Variants in AOPEP observed in about 807,000 individuals in gnomAD.
The protein encoded by AOPEP is aminopeptidase O (putative).
In AOPEP, 77 loss-of-function variants were observed where a neutral mutation model predicts 98.1. The ratio of observed to expected loss-of-function variants is 0.78; its 90% CI spans 0.65 to 0.95. The LOEUF (loss-of-function observed/expected upper bound fraction) is 0.95, where lower values mean the gene tolerates loss of function less well. Ranked by LOEUF, AOPEP falls within the 40% of genes least tolerant of loss-of-function variation. The probability of loss-of-function intolerance (pLI) is 0.00; values close to 1 mark genes in which losing one functional copy is unlikely to be tolerated. For synonymous variants in AOPEP, 346 were observed against 365.3 expected (o/e 0.95, Z 0.60); for missense variants, 1,024 against 1,024.7 (o/e 1.00, Z 0.01).
At chr9:94,996,666 T>C (rs1166025530) in intron 11 of AOPEP, among the ~76,000 whole-genome samples, 10 of 152,110 alleles carry the variant, frequency 6.6e-5, no homozygotes, top group Non-Finnish European at 2.9e-5. Context: ...TACCTAGACA[T>C]GGTTGTTTGC....
At position 95,000,029 on chromosome 9, in the gene AOPEP, A is replaced by G. The variant is rs139516740; in HGVS notation, c.1978-5129A>G. Among the ~76,000 whole-genome samples the G allele has an allele frequency of 9.4e-3, 1,426 of 152,298 alleles. 11 individuals carry two copies. The highest frequency in any genetic ancestry group is 0.043 in the South Asian group (207 of 4,826). ...TGCAGAACCATAGCCTCAGCAATCC[A>G]CTACGCCAAGCATGAAACTGACTTC... On this transcript the variant is annotated intron_variant, in intron 11 of 16. Transcript: ENST00000375315.
chr9:94,951,825 A>T (rs2058117421), intron 7 of AOPEP, among the ~76,000 whole-genome samples: 1 of 152,192 alleles, frequency 6.6e-6, no homozygotes, highest in African/African-American at 2.4e-5. Flanking sequence ...GATGGCCATC[A>T]CTGCTCCATC....
At chr9:94,996,169 A>T (rs1182255287) in intron 11 of AOPEP, among the ~76,000 whole-genome samples, 2 of 152,182 alleles carry the variant, frequency 1.3e-5, no homozygotes, top group African/African-American at 4.8e-5. Flanking sequence ...AACATCCTAC[A>T]AAAAGTGAAG....
At chr9:94,987,008 GGAT>G (rs1242630305) in intron 11 of AOPEP, among the ~76,000 whole-genome samples, 2 of 152,206 alleles carry the variant, frequency 1.3e-5, no homozygotes, top group African/African-American at 4.8e-5. Flanking sequence ...CAGACCAGAT[GGAT>G]GATATTTGCA....
intron 10 of AOPEP, among the ~76,000 whole-genome samples, chr9:94,978,288 G>A (rs2059973890): frequency 6.6e-6 from 1 of 152,014 alleles, no homozygotes; most frequent in African/African-American, 2.4e-5. Flanking sequence ...ATTTAAAAGA[G>A]GCAGAGCTTA....
chr9:95,095,075 A>T, the AOPEP span, among the ~76,000 whole-genome samples: 3 of 152,344 alleles, frequency 2.0e-5, no homozygotes, highest in African/African-American at 7.2e-5. Context: ...GGCGTCCAGG[A>T]TTTCCTCAGC....
At chr9:94,868,298 G>A (rs1335093095) in intron 5 of AOPEP, among the ~76,000 whole-genome samples, 1 of 152,204 alleles carries the variant, frequency 6.6e-6, no homozygotes, top group Non-Finnish European at 1.5e-5. Context: ...TCACCAGTTT[G>A]GGGAAGGCAG....
chr9:95,022,876 A>G (rs561295832), intron 13 of AOPEP, among the ~76,000 whole-genome samples: 1 of 152,088 alleles, frequency 6.6e-6, no homozygotes, highest in Non-Finnish European at 1.5e-5. Context: ...TTATTTTTCC[A>G]TAGAACTTTG....
chr9:94,966,974 A>T (rs1275399088), intron 9 of AOPEP, among the ~76,000 whole-genome samples: 1 of 152,184 alleles, frequency 6.6e-6, no homozygotes, highest in Non-Finnish European at 1.5e-5. Context: ...TAAAACCTTT[A>T]TTGATGAAAT....
intron 14 of AOPEP, among the ~76,000 whole-genome samples, chr9:95,078,233 C>T (rs569356582): frequency 6.6e-6 from 1 of 152,192 alleles, no homozygotes; most frequent in Non-Finnish European, 1.5e-5. Context: ...TCTGGACCTG[C>T]ACCAGCTGTG....
chr9:95,135,419 A>G, the AOPEP span: 13 of 1,614,074 alleles, frequency 8.1e-6, no homozygotes, highest in Admixed American at 1.0e-4. Flanking sequence ...CTTTTCAAAA[A>G]GATGCAGCAT....
chr9:95,043,239 GATATATACAGATATATATATACAT>G (rs967611328), intron 13 of AOPEP, among the ~76,000 whole-genome samples: 1 of 22,904 alleles, frequency 4.4e-5, no homozygotes, highest in Non-Finnish European at 3.0e-4. Context: ...TATATATACA[GATATATACAGATATATATATACAT>G]ATATATCTGT....
At chr9:94,796,404 C>A (rs946763826) in intron 4 of AOPEP, among the ~76,000 whole-genome samples, 6 of 152,208 alleles carry the variant, frequency 3.9e-5, no homozygotes, top group South Asian at 2.1e-4. Context: ...TTGTTTTCAT[C>A]CATTACATGT....
At chr9:94,880,451 C>T (rs1402394797) in intron 5 of AOPEP, among the ~76,000 whole-genome samples, 49 of 149,824 alleles carry the variant, frequency 3.3e-4, no homozygotes, top group African/African-American at 7.4e-5. Flanking sequence ...ACTGCAGCGT[C>T]GACCTCCCAG....
intron 13 of AOPEP, chr9:95,019,823 G>A (rs950353907): frequency 6.6e-6 from 1 of 152,240 alleles, no homozygotes; most frequent in Non-Finnish European, 1.5e-5. Context: ...GTCACCACCA[G>A]CAAGAAGCTG....
intron 5 of AOPEP, among the ~76,000 whole-genome samples, chr9:94,912,006 C>T (rs2052115335): frequency 6.6e-6 from 1 of 152,142 alleles, no homozygotes; most frequent in South Asian, 2.1e-4. Flanking sequence ...TCCAGTCAAC[C>T]ACACACACAA....
the AOPEP span, among the ~76,000 whole-genome samples, chr9:95,123,136 C>CA: frequency 5.5e-4 from 83 of 150,928 alleles, no homozygotes; most frequent in African/African-American, 1.8e-3. Context: ...TCTATCTCTA[C>CA]AAAAAAAAAT....
intron 1 of AOPEP, among the ~76,000 whole-genome samples, chr9:94,735,556 G>T (rs1287961259): frequency 2.0e-5 from 3 of 152,104 alleles, no homozygotes; most frequent in Admixed American, 2.0e-4. Context: ...ACTCACACCA[G>T]CCCACCCCCA....
At chr9:95,093,643 C>G in the AOPEP span, among the ~76,000 whole-genome samples, 2 of 152,206 alleles carry the variant, frequency 1.3e-5, no homozygotes, top group African/African-American at 4.8e-5. Flanking sequence ...CCCCAAATCA[C>G]TATAATGAAG....
Sources: allele counts gnomAD v4.1 joint callset (sites outside exome capture counted in the v4.1 genomes callset), GRCh38; gene constraint gnomAD v4.1.1; transcripts MANE v1.5; gene names NCBI Gene and HGNC (gene_info 2026-07-23, HGNC 2026-07-21).